ZNF676: variants seen among roughly 807,000 people sequenced by gnomAD.
ZNF676 encodes zinc finger protein 676.
Under a neutral mutation model 6.0 loss-of-function variants are expected in ZNF676, and 4 were observed. The ratio of observed to expected loss-of-function variants is 0.67; its 90% CI spans 0.33 to 1.53. ZNF676 has a LOEUF of 1.53. Ranked by LOEUF, ZNF676 falls within the 40% of genes most tolerant of loss-of-function variation. The pLI, the probability that ZNF676 is intolerant of heterozygous loss-of-function variation, is 0.06. For missense variants in ZNF676, 644 were observed against 679.7 expected (o/e 0.95, Z 0.58); for synonymous variants, 198 against 223.1 (o/e 0.89, Z 1.00).
At chr19:22,204,002 T>C (rs1421701099) in intron 1 of ZNF676, 1 of 152,208 alleles carries the variant, frequency 6.6e-6, no homozygotes, top group East Asian at 1.9e-4. Context: ...CCACCAGCAC[T>C]TTTTTATAAA....
chr19:22,244,014 G>C, the ZNF676 span: 1 of 150,878 alleles, frequency 6.6e-6, no homozygotes, highest in African/African-American at 2.4e-5. Flanking sequence ...ACACACCAAA[G>C]ATTGGTAATT....
At chr19:22,199,619 A>AT (rs2024004098), upstream of ZNF676, among the ~76,000 whole-genome samples, 1 of 152,276 alleles carries the variant, frequency 6.6e-6, no homozygotes, top group East Asian at 1.9e-4. Context: ...TCTGTCATTG[A>AT]TTTTTCAAAA....
At chr19:22,234,180 G>A in the ZNF676 span, among the ~76,000 whole-genome samples, 1 of 152,198 alleles carries the variant, frequency 6.6e-6, no homozygotes, top group Admixed American at 6.5e-5. Context: ...GAAAGGAACT[G>A]TAGCGCCACA....
At chr19:22,199,784 A>G (rs1599716099), upstream of ZNF676, among the ~76,000 whole-genome samples, 1 of 152,218 alleles carries the variant, frequency 6.6e-6, no homozygotes, top group Non-Finnish European at 1.5e-5. Flanking sequence ...GAAAACAGAA[A>G]TCAGCTGCAG....
upstream of ZNF676, among the ~76,000 whole-genome samples, chr19:22,199,428 A>G (rs2024002435): frequency 1.3e-5 from 2 of 152,224 alleles, no homozygotes; most frequent in South Asian, 4.1e-4. Context: ...TTTGGAAAAC[A>G]ACGTGTGCAC....
At chr19:22,224,958 A>G in the ZNF676 span, among the ~76,000 whole-genome samples, 1 of 152,154 alleles carries the variant, frequency 6.6e-6, no homozygotes, top group Non-Finnish European at 1.5e-5. Flanking sequence ...TTTTGCCACT[A>G]CACACCAGTT....
the ZNF676 span, among the ~76,000 whole-genome samples, chr19:22,241,523 C>T: frequency 1.3e-5 from 2 of 151,844 alleles, no homozygotes; most frequent in African/African-American, 4.9e-5. Flanking sequence ...CAACTGTGGT[C>T]TGTGTTCATG....
the ZNF676 span, among the ~76,000 whole-genome samples, chr19:22,223,849 T>G: frequency 1.3e-5 from 2 of 152,014 alleles, no homozygotes; most frequent in South Asian, 2.1e-4. Flanking sequence ...TTTTTTTTAA[T>G]TTAACAAAGT....
upstream of ZNF676, among the ~76,000 whole-genome samples, chr19:22,197,886 G>GC (rs544651956): frequency 2.0e-4 from 30 of 151,984 alleles, 1 homozygote; most frequent in South Asian, 3.7e-3. Flanking sequence ...CTGAGATATT[G>GC]CCCCCCCTCT....
At chr19:22,211,560 T>C (rs1385803268) in intron 1 of ZNF676, among the ~76,000 whole-genome samples, 1 of 152,214 alleles carries the variant, frequency 6.6e-6, no homozygotes, top group African/African-American at 2.4e-5. Flanking sequence ...TTATTTCTTT[T>C]GGACAATAAA....
Position 22,180,269 on chromosome 19 carries a change from C to T in ZNF676, c.1448G>A (p.Gly483Asp). The change falls in exon 3 of 3, where the codon GGC (glycine) becomes GAC (aspartate). Residue 483 changes from glycine to aspartate, a missense_variant. By Grantham distance (94) the Gly-to-Asp change is moderately conservative. Transcript: ENST00000397121. Reference sequence around the variant, plus strand: ...GATTGAGAACGTACTAAAGCCTTTGCCACATTCTTCACATTTGTAAGGTTT... The same window carrying T: ...GATTGAGAACGTACTAAAGCCTTTGTCACATTCTTCACATTTGTAAGGTTT... Reference protein sequence around the residue: ...AEKPYKCEECGKGFSTFSILT... With the variant: ...AEKPYKCEECDKGFSTFSILT... The T allele has an allele frequency of 3.1e-6, 5 of 1,612,560 alleles. No individual in the cohort carries two copies. The highest frequency in any genetic ancestry group is 4.2e-6 in the Non-Finnish European group (5 of 1,178,758).
At chr19:22,202,323 A>G (rs1437578676) in intron 1 of ZNF676, among the ~76,000 whole-genome samples, 1 of 152,208 alleles carries the variant, frequency 6.6e-6, no homozygotes, top group Non-Finnish European at 1.5e-5. Flanking sequence ...TAAAGTTTGT[A>G]GAAATCTGTT....
intron 2 of ZNF676, among the ~76,000 whole-genome samples, chr19:22,186,492 A>C (rs1222616304): frequency 6.6e-6 from 1 of 152,212 alleles, no homozygotes; most frequent in Non-Finnish European, 1.5e-5. Context: ...CAAAATAACC[A>C]GCTAGCATCA....
chr19:22,238,675 A>T, the ZNF676 span, among the ~76,000 whole-genome samples: 6 of 152,128 alleles, frequency 3.9e-5, no homozygotes, highest in Non-Finnish European at 5.9e-5. Context: ...CATATATGTT[A>T]ATTAAGTATT....
rs772740221 is a variant in ZNF676, at chr19:22,180,033, T to C, written c.1684A>G (p.Lys562Glu). 2 of 1,613,938 alleles carry C rather than the reference T, an allele frequency of 1.2e-6. No homozygotes were observed. The highest frequency in any genetic ancestry group is 8.5e-7 in the Non-Finnish European group (1 of 1,179,854). ...AAAGCTTTGCCACATTCTTCACATT[T>C]GTAGGGTTTCTCTCCAGTATGAATT... ...KRIHTGEKPY[K>E]CEECGKAFKS... is the part of the protein sequence containing the mutation. Residue 562 changes from lysine (K) to glutamate (E), a missense_variant, in exon 3 of 3, where the codon AAA (lysine) becomes GAA (glutamate). Around this residue, in one of 5 missense-constraint regions of ZNF676, gnomAD observed 306 missense variants for 265.4 expected, o/e 1.15. Transcript: ENST00000397121.
At chr19:22,256,551 T>C in the ZNF676 span, among the ~76,000 whole-genome samples, 17 of 152,158 alleles carry the variant, frequency 1.1e-4, no homozygotes, top group African/African-American at 4.1e-4. Flanking sequence ...AGGGTGCAGG[T>C]AGAAGAGGAC....
upstream of ZNF676, among the ~76,000 whole-genome samples, chr19:22,219,659 A>AT (rs916018890): frequency 1.8e-3 from 262 of 143,852 alleles, 5 homozygotes; most frequent in African/African-American, 5.5e-3. Flanking sequence ...TCACAGATAG[A>AT]TTTTTTTTTT....
the ZNF676 span, among the ~76,000 whole-genome samples, chr19:22,221,543 GA>G: frequency 1.4e-4 from 21 of 152,100 alleles, no homozygotes; most frequent in African/African-American, 4.6e-4. Flanking sequence ...CTGAGGTCAG[GA>G]GTTCAAAACC....
upstream of ZNF676, among the ~76,000 whole-genome samples, chr19:22,219,536 A>C (rs1215664942): frequency 2.6e-5 from 4 of 152,328 alleles, no homozygotes; most frequent in East Asian, 7.7e-4. Flanking sequence ...TTTGGCTAAG[A>C]CATCCATTAC....
Sources: allele counts gnomAD v4.1 joint callset (sites outside exome capture counted in the v4.1 genomes callset), GRCh38; gene constraint gnomAD v4.1.1; regional missense constraint gnomAD v4.1.1; transcripts MANE v1.5; gene names NCBI Gene and HGNC (gene_info 2026-07-23, HGNC 2026-07-21).